The following NSUN4 variants were observed in gnomAD, a reference collection of about 807,000 sequenced individuals.
NSUN4 encodes the protein NOP2/Sun RNA methyltransferase 4.
Under a neutral mutation model 43.8 loss-of-function variants are expected in NSUN4, and 31 were observed. The observed-to-expected ratio is 0.71, with a 90% CI of 0.53 to 0.96. NSUN4 has a LOEUF of 0.96. NSUN4 is among the 40% of genes least tolerant of loss of function. The probability of loss-of-function intolerance (pLI) is 0.00; values close to 1 mark genes in which losing one functional copy is unlikely to be tolerated. For missense variants in NSUN4, 439 were observed against 475.6 expected (o/e 0.92, Z 0.72); for synonymous variants, 167 against 184.1 (o/e 0.91, Z 0.75).
the NSUN4 span, among the ~76,000 whole-genome samples, chr1:46,380,411 A>T: frequency 6.6e-6 from 1 of 152,136 alleles, no homozygotes; most frequent in Non-Finnish European, 1.5e-5. Flanking sequence ...ACACAGGTGG[A>T]GCCCTGGAAA....
chr1:46,369,686 G>T (rs1042894694), downstream of NSUN4, among the ~76,000 whole-genome samples: 1 of 152,164 alleles, frequency 6.6e-6, no homozygotes, highest in African/African-American at 2.4e-5. Context: ...GTGAAGTCAG[G>T]AAAGAGGACA....
In NSUN4 at chr1:46,346,980, TTCTGGC is replaced by T; in HGVS notation, c.498_503del (p.Ala168_Leu169del). ...ATGGATGCTGCCTCCTTGCTGCCTG[TTCTGGC>T]CCTCGGCCTGCAGCCTGGGGACATC... On this transcript the variant is annotated inframe_deletion, in exon 3 of 6. Coordinates refer to ENST00000474844, the MANE Select transcript of NSUN4 (RefSeq NM_199044.4). 1 of 1,614,140 alleles carries T rather than the reference TTCTGGC, an allele frequency of 6.2e-7. No individual in the cohort carries two copies. The highest frequency in any genetic ancestry group is 8.5e-7 in the Non-Finnish European group (1 of 1,179,998).
intron 5 of NSUN4, 34 bp downstream of exon 5, chr1:46,360,862 G>A: frequency 6.2e-7 from 1 of 1,610,656 alleles, no homozygotes; most frequent in Non-Finnish European, 8.5e-7. Flanking sequence ...AGGACTTTGT[G>A]CCAGAGTGCT....
chr1:46,360,460 T>G (rs1037464900), intron 4 of NSUN4, among the ~76,000 whole-genome samples: 1 of 150,926 alleles, frequency 6.6e-6, no homozygotes, highest in Non-Finnish European at 1.5e-5. Context: ...AAAATTATAG[T>G]TACTTGTGTG....
intron 4 of NSUN4, among the ~76,000 whole-genome samples, chr1:46,359,281 C>T (rs2148411640): frequency 6.6e-6 from 1 of 152,014 alleles, no homozygotes; most frequent in East Asian, 1.9e-4. Flanking sequence ...AACAAATAAA[C>T]TGGGAATTTA....
intron 4 of NSUN4, among the ~76,000 whole-genome samples, chr1:46,357,553 G>A (rs1410966114): frequency 6.6e-6 from 1 of 152,132 alleles, no homozygotes; most frequent in South Asian, 2.1e-4. Context: ...AAATTACATA[G>A]CTCTGCTGTT....
chr1:46,342,491 C>T (rs1662184210), intron 1 of NSUN4: 1 of 399,162 alleles, frequency 2.5e-6, no homozygotes, highest in Non-Finnish European at 4.4e-6. Context: ...ATTCTCCTTG[C>T]TCACCCCAGT....
chr1:46,381,393 G>A, the NSUN4 span, among the ~76,000 whole-genome samples: 3 of 152,146 alleles, frequency 2.0e-5, no homozygotes, highest in Non-Finnish European at 4.4e-5. Flanking sequence ...CACTCACTGT[G>A]ACTTGAACAT....
At chr1:46,344,720 C>T in intron 1 of NSUN4, 81 bp from the exon 2 acceptor site, 1 of 1,281,266 alleles carries the variant, frequency 7.8e-7, no homozygotes, top group Non-Finnish European at 1.1e-6. Flanking sequence ...AAGTTTGCCC[C>T]TAGGCTCTGA....
chr1:46,360,158 G>A (rs1663721273), intron 4 of NSUN4, among the ~76,000 whole-genome samples: 1 of 144,036 alleles, frequency 6.9e-6, no homozygotes, highest in Non-Finnish European at 1.5e-5. Context: ...AAACCCGGGA[G>A]GCGGAGCTTG....
chr1:46,378,800 C>T, the NSUN4 span, among the ~76,000 whole-genome samples: 1 of 152,172 alleles, frequency 6.6e-6, no homozygotes, highest in Non-Finnish European at 1.5e-5. Context: ...TTGGCTGTCT[C>T]GCCTGTGTAA....
downstream of NSUN4, among the ~76,000 whole-genome samples, chr1:46,365,425 C>T (rs377120861): frequency 2.9e-4 from 44 of 152,238 alleles, no homozygotes; most frequent in East Asian, 6.6e-3. Flanking sequence ...CTGCAACCCC[C>T]GCCTCCCAGG....
At chr1:46,378,348 T>C in the NSUN4 span, among the ~76,000 whole-genome samples, 1 of 152,050 alleles carries the variant, frequency 6.6e-6, no homozygotes, top group African/African-American at 2.4e-5. Context: ...CAGGTGTGTG[T>C]CACCACACCC....
At chr1:46,366,341 G>A (rs66847432), downstream of NSUN4, among the ~76,000 whole-genome samples, 34,147 of 151,990 alleles carry the variant, frequency 0.22, 4,299 homozygotes, top group Non-Finnish European at 0.29. Context: ...GTTCTTAGAG[G>A]TAGGGGGATA....
the NSUN4 span, among the ~76,000 whole-genome samples, chr1:46,377,107 T>C: frequency 2.0e-5 from 3 of 151,872 alleles, no homozygotes; most frequent in African/African-American, 7.3e-5. Flanking sequence ...TGGAGTGTAG[T>C]GGCGTGATCT....
the NSUN4 span, among the ~76,000 whole-genome samples, chr1:46,378,209 T>A: frequency 6.6e-6 from 1 of 151,620 alleles, no homozygotes; most frequent in East Asian, 1.9e-4. Flanking sequence ...AGATTTTTTT[T>A]TTTTTTTTTG....
chr1:46,374,419 C>A, the NSUN4 span, among the ~76,000 whole-genome samples: 1 of 144,994 alleles, frequency 6.9e-6, no homozygotes, highest in African/African-American at 2.5e-5. Context: ...ATCAGCCTGG[C>A]CAACATGATG....
At chr1:46,375,510 TC>T in the NSUN4 span, among the ~76,000 whole-genome samples, 1 of 140,806 alleles carries the variant, frequency 7.1e-6, no homozygotes, top group Non-Finnish European at 1.5e-5. Context: ...GAGGCGAGAG[TC>T]TTTTTTGAGC....
chr1:46,342,284 T>C (rs1662169681), intron 1 of NSUN4: 1 of 399,242 alleles, frequency 2.5e-6, no homozygotes, highest in Non-Finnish European at 4.4e-6. Context: ...TAGACTCTTG[T>C]GAACCCAAAC....
Sources: gnomAD v4.1 joint callset for allele counts (sites outside exome capture counted in the v4.1 genomes callset) on GRCh38, gnomAD v4.1.1 for gene constraint, MANE v1.5 for transcripts, NCBI Gene and HGNC (gene_info 2026-07-23, HGNC 2026-07-21) for gene names.